The following SCGB2A1 variants were observed in gnomAD, a reference collection of about 807,000 sequenced individuals.
SCGB2A1 encodes secretoglobin family 2A member 1.
SCGB2A1 carries 6 observed loss-of-function variants against 9.2 expected under a neutral mutation model. The observed-to-expected ratio is 0.66, with a 90% CI of 0.36 to 1.29. The LOEUF (loss-of-function observed/expected upper bound fraction) is 1.29. Ranked by LOEUF, SCGB2A1 falls within the 50% of genes most tolerant of loss-of-function variation. The probability of loss-of-function intolerance (pLI) is 0.03; values close to 1 mark genes in which losing one functional copy is unlikely to be tolerated. For missense variants in SCGB2A1, 138 were observed against 116.9 expected, an observed-to-expected ratio of 1.18 and a Z score of -0.83; for synonymous variants, 37 against 41.0, an observed-to-expected ratio of 0.90 and a Z score of 0.37.
chr11:62,209,405 G>A (rs923011619), intron 1 of SCGB2A1, among the ~76,000 whole-genome samples: 4 of 152,156 alleles, frequency 2.6e-5, no homozygotes, highest in African/African-American at 9.7e-5. Flanking sequence ...TATTTCCATA[G>A]GTAGCCTGCC....
chr11:62,212,935 C>CACATATGT (rs1554985810), intron 2 of SCGB2A1, among the ~76,000 whole-genome samples: 2 of 133,668 alleles, frequency 1.5e-5, no homozygotes, highest in African/African-American at 5.6e-5. Flanking sequence ...CACATATATA[C>CACATATGT]ACACATATGT....
rs67975205 is a variant in SCGB2A1, at chr11:62,213,106, A to ATATATATATATATTTT, written c.244-619_244-618insATATATATATATTTTT. Reference sequence around the variant, plus strand: ...CATATATACACATATATATATATATATTTTTTTTTTTGTAGAGATGGCATT... The same window carrying ATATATATATATATTTT: ...CATATATACACATATATATATATATATATATATATATATTTTTTTTTTTTTTTGTAGAGATGGCATT... On this transcript the variant is annotated intron_variant, in intron 2 of 2. Coordinates refer to ENST00000244930, the MANE Select transcript of SCGB2A1 (RefSeq NM_002407.3). Among the ~76,000 whole-genome samples the ATATATATATATATTTT allele has an allele frequency of 7.0e-4, 81 of 116,212 alleles. 1 individual carries two copies. Among genetic ancestry groups the ATATATATATATATTTT allele is most frequent in the Non-Finnish European group, 1.1e-3 (66 of 59,144 alleles). The allele number at this position is 116,212 out of a possible 152,430, so 76.2% of individuals were successfully genotyped here. A position where few individuals can be genotyped will look rare whatever the true frequency, so the allele number is the denominator to read the frequency against.
chr11:62,210,710 A>AT, intron 2 of SCGB2A1, 110 bp downstream of exon 2: 1 of 754,400 alleles, frequency 1.3e-6, no homozygotes, highest in Non-Finnish European at 2.0e-6. Context: ...CTTTCTTTAT[A>AT]TATCAATTCA....
rs191693913 is a variant in SCGB2A1, at chr11:62,211,647, G to A, written c.243+1047G>A. On this transcript the variant is annotated intron_variant, in intron 2 of 2. Coordinates refer to ENST00000244930, the MANE Select transcript of SCGB2A1 (RefSeq NM_002407.3). ...ACTCCTGACCTCAGGTGATCTGCCC[G>A]CCTCGGCCTCCCAAAGTGCTGGGAT... 1.7e-3 allele frequency among the ~76,000 whole-genome samples: 264 copies of A among 151,956 alleles called. 2 individuals carry two copies. The highest frequency in any genetic ancestry group is 8.6e-3 in the East Asian group (44 of 5,146).
intron 2 of SCGB2A1, among the ~76,000 whole-genome samples, chr11:62,211,980 T>C (rs1385714687): frequency 6.6e-6 from 1 of 152,146 alleles, no homozygotes; most frequent in East Asian, 1.9e-4. Flanking sequence ...TGGAGTGCAA[T>C]GGCACGATCT....
At chr11:62,209,710 T>A (rs1379997502) in intron 1 of SCGB2A1, among the ~76,000 whole-genome samples, 1 of 151,626 alleles carries the variant, frequency 6.6e-6, no homozygotes, top group Non-Finnish European at 1.5e-5. Flanking sequence ...TCACCCAGGC[T>A]GGGACTGGGA....
chr11:62,210,873 A>G lies in SCGB2A1; in HGVS notation c.243+273A>G, dbSNP rs192660668. Among the ~76,000 whole-genome samples the G allele has an allele frequency of 1.5e-4, 22 of 151,572 alleles. 1 individual carries two copies. The East Asian group carries it at 3.5e-3, about 24-fold the overall frequency. On this transcript the variant is annotated intron_variant, in intron 2 of 2. Transcript: ENST00000244930. ...CCTTCTCACACAGACACAGACACACATAAGCACACAAGTATAGACACACAC... is the reference window on the plus strand; with the variant it reads ...CCTTCTCACACAGACACAGACACACGTAAGCACACAAGTATAGACACACAC...
intron 1 of SCGB2A1, among the ~76,000 whole-genome samples, chr11:62,209,515 G>A (rs1211284922): frequency 6.6e-6 from 1 of 152,166 alleles, no homozygotes; most frequent in Non-Finnish European, 1.5e-5. Context: ...CAACTAACTG[G>A]AAAATCACAA....
intron 2 of SCGB2A1, among the ~76,000 whole-genome samples, chr11:62,211,441 C>T (rs1224282503): frequency 6.6e-6 from 1 of 151,642 alleles, no homozygotes; most frequent in Non-Finnish European, 1.5e-5. Context: ...ACTCTGTTGC[C>T]CAGGCTGGAG....
At position 62,213,091 on chromosome 11, in the gene SCGB2A1, C is replaced by CAT. The variant is rs1554985897; in HGVS notation, c.244-620_244-619dup. Reference sequence around the variant, plus strand: ...ATATACATATATACACATATATACACATATATATATATATATTTTTTTTTT... The same window carrying CAT: ...ATATACATATATACACATATATACACATATATATATATATATATTTTTTTTTT... On this transcript the variant is annotated intron_variant, in intron 2 of 2. Transcript: ENST00000244930. 2.8e-3 allele frequency among the ~76,000 whole-genome samples: 39 copies of CAT among 13,866 alleles called. 2 individuals are homozygous for CAT. The highest frequency in any genetic ancestry group is 4.9e-3 in the African/African-American group (34 of 6,946). The allele number at this position is 13,866 out of a possible 152,430, so 9.1% of individuals were successfully genotyped here.
intron 2 of SCGB2A1, among the ~76,000 whole-genome samples, chr11:62,212,265 TA>T (rs1944836796): frequency 1.3e-5 from 2 of 152,072 alleles, no homozygotes; most frequent in Non-Finnish European, 2.9e-5. Context: ...ATAAAAAATG[TA>T]AAGATATATC....
chr11:62,213,017 T>TATATACACAC (rs1389571976), intron 2 of SCGB2A1, among the ~76,000 whole-genome samples: 2 of 138,354 alleles, frequency 1.4e-5, no homozygotes, highest in Non-Finnish European at 3.0e-5. Flanking sequence ...TATATGCACA[T>TATATACACAC]ATATACATAT....
chr11:62,211,025 G>A (rs1944826822), intron 2 of SCGB2A1, among the ~76,000 whole-genome samples: 1 of 151,388 alleles, frequency 6.6e-6, no homozygotes, highest in Non-Finnish European at 1.5e-5. Flanking sequence ...CCGGGTTCAA[G>A]AGATTTGCCT....
intron 2 of SCGB2A1, 58 bp downstream of exon 2, chr11:62,210,658 T>C (rs1458432149): frequency 7.4e-7 from 1 of 1,351,078 alleles, no homozygotes; most frequent in African/African-American, 1.5e-5. Context: ...ACCAGCGGGC[T>C]CTAAATTTGG....
intron 2 of SCGB2A1, 22 bp downstream of exon 2, chr11:62,210,622 G>C (rs771397502): frequency 6.7e-7 from 1 of 1,496,254 alleles, no homozygotes. Context: ...TTCTTCTTAT[G>C]TACCCTTTGA....
In SCGB2A1 at chr11:62,213,425, T is replaced by C. The variant is rs117335441; in HGVS notation, c.244-301T>C. 270 of 267,684 alleles carry C rather than the reference T, an allele frequency of 1.0e-3. 6 individuals carry two copies. The East Asian group carries it at 0.017, about 17-fold the overall frequency. 16.6% of individuals were successfully genotyped at this position (267,684 alleles called of 1,614,324 possible). A position where few individuals can be genotyped will look rare whatever the true frequency, so the allele number is the denominator to read the frequency against. ...TCCAAATGATCAGGTCTTCAACAAATAGTATATGCAGCATATTTATTGGAT... is the reference window on the plus strand; with the variant it reads ...TCCAAATGATCAGGTCTTCAACAAACAGTATATGCAGCATATTTATTGGAT... On this transcript the variant is annotated intron_variant, in intron 2 of 2. Transcript: ENST00000244930.
chr11:62,212,506 A>G (rs1944838604), intron 2 of SCGB2A1, among the ~76,000 whole-genome samples: 1 of 151,728 alleles, frequency 6.6e-6, no homozygotes, highest in Admixed American at 6.6e-5. Flanking sequence ...GTGGTGGCGC[A>G]CACCTGTAAT....
chr11:62,210,841 A>G (rs1018801617), intron 2 of SCGB2A1, among the ~76,000 whole-genome samples: 3 of 152,066 alleles, frequency 2.0e-5, no homozygotes, highest in East Asian at 1.9e-4. Flanking sequence ...CTCTGACCTC[A>G]CCAGTCCCTT....
intron 1 of SCGB2A1, among the ~76,000 whole-genome samples, chr11:62,210,080 C>T (rs1312483333): frequency 6.6e-6 from 1 of 152,184 alleles, no homozygotes; most frequent in Non-Finnish European, 1.5e-5. Flanking sequence ...GGCATGATAA[C>T]AGGGAAGCAT....
Sources: allele counts gnomAD v4.1 joint callset (sites outside exome capture counted in the v4.1 genomes callset), GRCh38; gene constraint gnomAD v4.1.1; transcripts MANE v1.5; gene names NCBI Gene and HGNC (gene_info 2026-07-23, HGNC 2026-07-21).